The following SCN11A variants were observed in gnomAD, a reference collection of about 807,000 sequenced individuals.
The protein encoded by SCN11A is sodium channel protein type 11 subunit alpha.
SCN11A carries 122 observed loss-of-function variants against 162.2 expected under a neutral mutation model. The observed-to-expected ratio is 0.75, with a 90% CI of 0.65 to 0.87. The LOEUF (loss-of-function observed/expected upper bound fraction) is 0.87, where lower values mean the gene tolerates loss of function less well. SCN11A is among the 40% of genes least tolerant of loss of function. SCN11A has a pLI of 0.00. For synonymous variants in SCN11A, 758 were observed against 751.5 expected (o/e 1.01, Z -0.14); for missense variants, 2,015 against 2,181.6 (o/e 0.92, Z 1.52).
At chr3:38,891,228 C>T (rs901851572) in intron 19 of SCN11A, among the ~76,000 whole-genome samples, 1 of 151,708 alleles carries the variant, frequency 6.6e-6, no homozygotes, top group Non-Finnish European at 1.5e-5. Context: ...TGAAAAGAAC[C>T]AAATAGAAAC....
intron 28 of SCN11A, among the ~76,000 whole-genome samples, chr3:38,862,445 T>G (rs191393989): frequency 1.4e-3 from 206 of 152,250 alleles, no homozygotes; most frequent in Non-Finnish European, 2.1e-3. Flanking sequence ...ACATACCACA[T>G]GTTTGTAGCA....
chr3:38,931,400 A>C (rs909576991), intron 7 of SCN11A, among the ~76,000 whole-genome samples: 1 of 152,168 alleles, frequency 6.6e-6, no homozygotes, highest in Admixed American at 6.5e-5. Context: ...CTGACCACTA[A>C]CCGGTGTCCC....
At chr3:38,848,993 G>A (rs2064725757) in intron 29 of SCN11A, among the ~76,000 whole-genome samples, 1 of 152,180 alleles carries the variant, frequency 6.6e-6, no homozygotes, top group Admixed American at 6.5e-5. Flanking sequence ...TTAATATATG[G>A]ATTAATCCTA....
intron 2 of SCN11A, among the ~76,000 whole-genome samples, chr3:38,986,478 C>T (rs2030249690): frequency 6.6e-6 from 1 of 152,156 alleles, no homozygotes. Context: ...CTGAGTGGCC[C>T]ACCAGGCTTT....
intron 19 of SCN11A, among the ~76,000 whole-genome samples, chr3:38,894,199 G>C (rs1232012907): frequency 2.0e-5 from 3 of 151,890 alleles, no homozygotes; most frequent in African/African-American, 7.3e-5. Context: ...AACAAAACAT[G>C]CTATTCAGTT....
intron 14 of SCN11A, 144 bp downstream of exon 14, chr3:38,907,805 A>C (rs1486415056): frequency 8.6e-6 from 6 of 693,970 alleles, no homozygotes; most frequent in Non-Finnish European, 1.4e-5. Context: ...AATTGAAAAG[A>C]CACATGGATG....
chr3:38,988,747 G>C (rs970613604), intron 2 of SCN11A, among the ~76,000 whole-genome samples: 4 of 152,156 alleles, frequency 2.6e-5, no homozygotes, highest in Non-Finnish European at 5.9e-5. Context: ...TTACAACTCT[G>C]ATTTTATAAA....
At chr3:39,043,962 C>T (rs1485804720) in intron 1 of SCN11A, among the ~76,000 whole-genome samples, 1 of 151,990 alleles carries the variant, frequency 6.6e-6, no homozygotes, top group Non-Finnish European at 1.5e-5. Flanking sequence ...TCATATATCC[C>T]ATAAATGAAT....
At position 38,894,644 on chromosome 3, in the gene SCN11A, G is replaced by A. The variant is rs757018724; in HGVS notation, c.2724C>T (p.Gly908=). The A allele has an allele frequency of 5.6e-6, 9 of 1,614,062 alleles. No individual in the cohort carries two copies. The East Asian group carries it at 8.9e-5, about 16-fold the overall frequency. Residue 908 remains glycine, a synonymous_variant, in exon 19 of 30, where the codon GGC becomes GGT. Coordinates refer to ENST00000302328, the MANE Select transcript of SCN11A (RefSeq NM_001349253.2). ...CCAACCAAGTCCAATCATGCCTGAC[G>A]CCCAGGGTCTTTGGTACAGAGGTTA... ...GILTSVPKTL[G]VRHDWTWLAP...
At chr3:38,925,616 A>G in intron 8 of SCN11A, 107 bp from the exon 9 acceptor site, 6 of 714,274 alleles carry the variant, frequency 8.4e-6, no homozygotes, top group Non-Finnish European at 1.5e-5. Flanking sequence ...TGTGACCTCC[A>G]AGGTGAAATC....
At chr3:38,973,373 A>C (rs1478814231) in intron 2 of SCN11A, among the ~76,000 whole-genome samples, 1 of 151,840 alleles carries the variant, frequency 6.6e-6, no homozygotes, top group African/African-American at 2.4e-5. Flanking sequence ...GTCAGAAGTC[A>C]ACAGTAACAC....
chr3:38,877,969 G>A lies in SCN11A; in HGVS notation c.3393+1981C>T, dbSNP rs376450922. On this transcript the variant is annotated intron_variant, in intron 23 of 29. Coordinates refer to ENST00000302328, the MANE Select transcript of SCN11A (RefSeq NM_001349253.2). Reference sequence around the variant, plus strand: ...GTTCTTACTCATAAGAGAGACCTAAGCTAAGAGGACACAAAGTTGTAAGAA... The same window carrying A: ...GTTCTTACTCATAAGAGAGACCTAAACTAAGAGGACACAAAGTTGTAAGAA... Among the ~76,000 whole-genome samples, 42 of 151,548 alleles carry A rather than the reference G, an allele frequency of 2.8e-4. 1 individual carries two copies. The East Asian group carries it at 3.9e-3, about 14-fold the overall frequency.
chr3:38,893,175 T>A (rs905618905), intron 19 of SCN11A, among the ~76,000 whole-genome samples: 2 of 152,116 alleles, frequency 1.3e-5, no homozygotes, highest in Non-Finnish European at 1.5e-5. Context: ...GAAAAAGACA[T>A]GTTATGCAAA....
chr3:38,921,030 T>C, intron 10 of SCN11A, 46 bp downstream of exon 10: 1 of 1,565,928 alleles, frequency 6.4e-7, no homozygotes, highest in East Asian at 2.2e-5. Flanking sequence ...TAAGGAAAAG[T>C]TAACCATGCA....
intron 4 of SCN11A, among the ~76,000 whole-genome samples, chr3:38,950,851 ATCCAG>A (rs1392103728): frequency 2.0e-5 from 3 of 152,252 alleles, no homozygotes; most frequent in Non-Finnish European, 4.4e-5. Context: ...CTTTTCTCAC[ATCCAG>A]TCAGTAAAGT....
chr3:38,963,870 C>T (rs1174206921), intron 2 of SCN11A, among the ~76,000 whole-genome samples: 2 of 152,094 alleles, frequency 1.3e-5, no homozygotes, highest in East Asian at 1.9e-4. Flanking sequence ...CAATAACTTA[C>T]AGAAAAATTT....
intron 7 of SCN11A, among the ~76,000 whole-genome samples, chr3:38,940,732 C>G (rs2066430404): frequency 6.6e-6 from 1 of 151,954 alleles, no homozygotes; most frequent in Non-Finnish European, 1.5e-5. Flanking sequence ...ATGAGAGAGT[C>G]CTTTTATAAC....
intron 14 of SCN11A, among the ~76,000 whole-genome samples, chr3:38,907,295 T>C (rs1368216490): frequency 1.4e-5 from 2 of 140,210 alleles, no homozygotes; most frequent in Non-Finnish European, 1.5e-5. Context: ...AGTTGGTATA[T>C]ATATACCAAC....
intron 5 of SCN11A, 130 bp downstream of exon 5, chr3:38,949,966 C>T (rs1390151617): frequency 9.3e-6 from 6 of 642,412 alleles, no homozygotes; most frequent in Non-Finnish European, 1.3e-5. Context: ...CAGGGGATGA[C>T]AGCAAAGAAG....
Sources: gnomAD v4.1 joint callset for allele counts (sites outside exome capture counted in the v4.1 genomes callset) on GRCh38, gnomAD v4.1.1 for gene constraint, MANE v1.5 for transcripts, NCBI Gene and HGNC (gene_info 2026-07-23, HGNC 2026-07-21) for gene names.